DLG2: variants seen among roughly 807,000 people sequenced by gnomAD.
The protein encoded by DLG2 is disks large homolog 2.
A neutral mutation model predicts 132.5 loss-of-function variants in DLG2; 45 were observed. The ratio of observed to expected loss-of-function variants is 0.34; its 90% CI spans 0.27 to 0.44. The LOEUF is 0.44. Ranked by LOEUF, DLG2 falls within the 20% of genes least tolerant of loss-of-function variation. DLG2 has a pLI of 1.00. For missense variants in DLG2, 1,045 were observed against 1,196.9 expected (o/e 0.87, Z 1.87); for synonymous variants, 424 against 419.6 (o/e 1.01, Z -0.13).
chr11:84,397,723 C>T (rs114265836), intron 7 of DLG2, among the ~76,000 whole-genome samples: 50 of 152,312 alleles, frequency 3.3e-4, no homozygotes, highest in African/African-American at 1.2e-3. Context: ...TGTTGTGTTA[C>T]CACAGTTAGC....
At chr11:85,499,909 A>C (rs1197567965) in intron 3 of DLG2, among the ~76,000 whole-genome samples, 2 of 152,234 alleles carry the variant, frequency 1.3e-5, no homozygotes, top group Non-Finnish European at 2.9e-5. Flanking sequence ...TTTCATGCTT[A>C]AATCTCCCAA....
intron 11 of DLG2, among the ~76,000 whole-genome samples, chr11:84,052,549 C>G (rs955606976): frequency 3.3e-5 from 5 of 151,476 alleles, no homozygotes; most frequent in African/African-American, 1.2e-4. Context: ...ATGAACAGAA[C>G]CTTCTCAAAA....
chr11:84,981,311 T>G (rs189367676), intron 6 of DLG2, among the ~76,000 whole-genome samples: 1 of 152,344 alleles, frequency 6.6e-6, no homozygotes, highest in East Asian at 1.9e-4. Context: ...GAGAAACCTT[T>G]CATAAGACCT....
chr11:84,614,934 A>T (rs1457000520), intron 6 of DLG2, among the ~76,000 whole-genome samples: 1 of 152,140 alleles, frequency 6.6e-6, no homozygotes, highest in East Asian at 1.9e-4. Context: ...GAGCCCTGCC[A>T]TGGTTCTTCA....
intron 8 of DLG2, among the ~76,000 whole-genome samples, chr11:84,171,480 T>C (rs1344628902): frequency 6.6e-6 from 1 of 152,184 alleles, no homozygotes; most frequent in African/African-American, 2.4e-5. Context: ...ATATGTGGTA[T>C]TTTGACTCTG....
chr11:84,630,775 G>A (rs142296041), intron 6 of DLG2, among the ~76,000 whole-genome samples: 2 of 151,990 alleles, frequency 1.3e-5, no homozygotes, highest in Non-Finnish European at 2.9e-5. Flanking sequence ...GCAATTCCTT[G>A]TAAGGAAACA....
chr11:84,376,745 T>C (rs910671356), intron 7 of DLG2, among the ~76,000 whole-genome samples: 3 of 150,402 alleles, frequency 2.0e-5, no homozygotes, highest in Non-Finnish European at 4.4e-5. Flanking sequence ...GCACAGGAGG[T>C]AGCTAGAGTG....
intron 7 of DLG2, among the ~76,000 whole-genome samples, chr11:84,511,087 T>C (rs1399513640): frequency 6.6e-6 from 1 of 152,076 alleles, no homozygotes; most frequent in East Asian, 1.9e-4. Flanking sequence ...TTCCTCTGGA[T>C]GAGAAAAATA....
At chr11:84,063,637 C>T (rs2096625646) in intron 10 of DLG2, among the ~76,000 whole-genome samples, 1 of 152,122 alleles carries the variant, frequency 6.6e-6, no homozygotes, top group African/African-American at 2.4e-5. Context: ...GATTATAAAT[C>T]ATGCTGCTAT....
At chr11:84,444,705 C>T (rs557519094) in intron 7 of DLG2, among the ~76,000 whole-genome samples, 2 of 151,796 alleles carry the variant, frequency 1.3e-5, no homozygotes, top group South Asian at 4.1e-4. Context: ...GTGATTCATC[C>T]TTTTCACTTG....
chr11:85,092,972 T>G (rs2069044216), intron 6 of DLG2, among the ~76,000 whole-genome samples: 2 of 152,282 alleles, frequency 1.3e-5, no homozygotes, highest in South Asian at 4.1e-4. Flanking sequence ...GCATGCAATG[T>G]GAAATAATCA....
At chr11:85,486,840 A>T (rs1208864738) in intron 3 of DLG2, among the ~76,000 whole-genome samples, 1 of 152,162 alleles carries the variant, frequency 6.6e-6, no homozygotes, top group South Asian at 2.1e-4. Context: ...GGATCCAAGA[A>T]TTGGCGCTCC....
chr11:85,447,947 AG>A (rs1281207500), intron 3 of DLG2, among the ~76,000 whole-genome samples: 2 of 152,162 alleles, frequency 1.3e-5, no homozygotes, highest in African/African-American at 4.8e-5. Flanking sequence ...TAATAATTCT[AG>A]GAATTCTCTG....
At chr11:84,454,810 A>G (rs2099061068) in intron 7 of DLG2, among the ~76,000 whole-genome samples, 1 of 151,442 alleles carries the variant, frequency 6.6e-6, no homozygotes, top group South Asian at 2.1e-4. Flanking sequence ...CAGAAAGCTT[A>G]TAAGTGGTTG....
chr11:83,808,817 T>C (rs1375807959), intron 17 of DLG2, among the ~76,000 whole-genome samples: 1 of 152,110 alleles, frequency 6.6e-6, no homozygotes, highest in Non-Finnish European at 1.5e-5. Flanking sequence ...CCCTTGATTC[T>C]CATTTTTTTT....
intron 6 of DLG2, among the ~76,000 whole-genome samples, chr11:84,818,748 T>C (rs905838238): frequency 6.6e-5 from 10 of 151,918 alleles, no homozygotes; most frequent in Admixed American, 1.3e-4. Flanking sequence ...AAGGTACATA[T>C]GTTATAGACA....
At chr11:84,384,055 CT>C (rs2098758880) in intron 7 of DLG2, among the ~76,000 whole-genome samples, 1 of 136,914 alleles carries the variant, frequency 7.3e-6, no homozygotes, top group East Asian at 2.1e-4. Flanking sequence ...GTTACTGTGT[CT>C]TTTTTTCTAG....
At position 84,595,968 on chromosome 11, in the gene DLG2, A is replaced by G. The variant is rs186150134; in HGVS notation, c.358-61237T>C. 5.9e-5 allele frequency among the ~76,000 whole-genome samples: 9 copies of G among 152,326 alleles called. No individual in the cohort carries two copies. The East Asian group carries it at 1.7e-3, about 29-fold the overall frequency. The stretch of plus-strand genomic sequence containing the variant: ...ACCTAATAAAAATATTGCATCTTAA[A>G]GGTAAGAGCTAAAGGAATATTAATG... On this transcript the variant is annotated intron_variant, in intron 6 of 27. Transcript: ENST00000376104.
intron 11 of DLG2, among the ~76,000 whole-genome samples, chr11:84,054,242 T>A (rs2096457991): frequency 6.6e-6 from 1 of 152,114 alleles, no homozygotes; most frequent in Non-Finnish European, 1.5e-5. Context: ...AACAGTTCTG[T>A]ACTTGTTTAA....
Sources: gnomAD v4.1 joint callset for allele counts (sites outside exome capture counted in the v4.1 genomes callset) on GRCh38, gnomAD v4.1.1 for gene constraint, MANE v1.5 for transcripts, NCBI Gene and HGNC (gene_info 2026-07-23, HGNC 2026-07-21) for gene names.